AGMO: variants seen among roughly 807,000 people sequenced by gnomAD.
The protein encoded by AGMO is glyceryl-ether monooxygenase.
A neutral mutation model predicts 60.2 loss-of-function variants in AGMO; 75 were observed. The observed-to-expected ratio is 1.25, with a 90% CI of 1.03 to 1.51. The LOEUF (loss-of-function observed/expected upper bound fraction) is 1.51. Among genes scored for constraint, AGMO ranks in the 40% most tolerant of loss-of-function variants. The probability of loss-of-function intolerance (pLI) is 0.00; values close to 1 mark genes in which losing one functional copy is unlikely to be tolerated. For missense variants in AGMO, 763 were observed against 525.5 expected, an observed-to-expected ratio of 1.45 and a Z score of -4.42; for synonymous variants, 261 against 177.1, an observed-to-expected ratio of 1.47 and a Z score of -3.76.
intron 12 of AGMO, among the ~76,000 whole-genome samples, chr7:15,322,527 A>T (rs865913485): frequency 1.4e-3 from 75 of 54,890 alleles, no homozygotes; most frequent in African/African-American, 4.3e-3. Context: ...AATATATATA[A>T]ATATATAAAT....
chr7:15,258,548 CA>C (rs894896527), intron 12 of AGMO, among the ~76,000 whole-genome samples: 2 of 147,596 alleles, frequency 1.4e-5, no homozygotes, highest in Non-Finnish European at 3.0e-5. Flanking sequence ...GACTCTTTCT[CA>C]AAAAAAAATA....
the AGMO span, among the ~76,000 whole-genome samples, chr7:15,174,910 A>T: frequency 6.6e-6 from 1 of 152,014 alleles, no homozygotes; most frequent in African/African-American, 2.4e-5. Flanking sequence ...CTTGAATATA[A>T]GCCAAACTTA....
At chr7:15,332,920 T>G (rs548838572) in intron 12 of AGMO, among the ~76,000 whole-genome samples, 12 of 152,300 alleles carry the variant, frequency 7.9e-5, no homozygotes, top group African/African-American at 2.9e-4. Context: ...CATTTCATGA[T>G]GCTTCCTGGG....
intron 12 of AGMO, among the ~76,000 whole-genome samples, chr7:15,269,752 A>T (rs1783540966): frequency 6.6e-6 from 1 of 151,878 alleles, no homozygotes; most frequent in Admixed American, 6.6e-5. Context: ...TTCAACCATC[A>T]TCCCTCTCAT....
chr7:15,375,148 G>T (rs1002482892), intron 10 of AGMO, among the ~76,000 whole-genome samples: 3 of 152,034 alleles, frequency 2.0e-5, no homozygotes, highest in Non-Finnish European at 4.4e-5. Context: ...AGAGTCTGTT[G>T]TTAACATATT....
At chr7:15,371,554 C>A (rs532428107) in intron 10 of AGMO, among the ~76,000 whole-genome samples, 3 of 151,986 alleles carry the variant, frequency 2.0e-5, no homozygotes, top group Non-Finnish European at 4.4e-5. Flanking sequence ...CCTTACATAC[C>A]CGACTAATTT....
At chr7:15,274,127 C>A (rs1410174726) in intron 12 of AGMO, among the ~76,000 whole-genome samples, 1 of 152,082 alleles carries the variant, frequency 6.6e-6, no homozygotes, top group African/African-American at 2.4e-5. Flanking sequence ...CTTCTCCTGC[C>A]TGATTGCCCT....
chr7:15,519,381 G>C (rs973185913), intron 3 of AGMO, among the ~76,000 whole-genome samples: 7 of 151,902 alleles, frequency 4.6e-5, no homozygotes, highest in African/African-American at 1.7e-4. Flanking sequence ...TGAAATGAAG[G>C]AAAAAATGTT....
intron 12 of AGMO, among the ~76,000 whole-genome samples, chr7:15,346,624 A>AG (rs1363728388): frequency 6.6e-6 from 1 of 151,532 alleles, no homozygotes; most frequent in Non-Finnish European, 1.5e-5. Context: ...AAGTAAAAAA[A>AG]AAAAATACCA....
chr7:15,507,518 G>A (rs1562542259), intron 3 of AGMO, among the ~76,000 whole-genome samples: 1 of 152,078 alleles, frequency 6.6e-6, no homozygotes, highest in Non-Finnish European at 1.5e-5. Context: ...GTGGGTGGAA[G>A]AGAGACACGA....
At chr7:15,229,774 TTAG>T (rs1782203592) in intron 12 of AGMO, among the ~76,000 whole-genome samples, 1 of 148,188 alleles carries the variant, frequency 6.7e-6, no homozygotes, top group South Asian at 2.1e-4. Context: ...TATATAATTA[TTAG>T]ATCAAAGTAT....
the AGMO span, among the ~76,000 whole-genome samples, chr7:15,182,066 TAA>T: frequency 2.0e-5 from 3 of 152,176 alleles, no homozygotes; most frequent in African/African-American, 7.2e-5. Context: ...CAGTAAATCT[TAA>T]AAAATTATGC....
At chr7:15,393,684 G>C (rs1457719590) in intron 6 of AGMO, among the ~76,000 whole-genome samples, 3 of 152,304 alleles carry the variant, frequency 2.0e-5, no homozygotes, top group South Asian at 2.1e-4. Flanking sequence ...GCAGGAAGGT[G>C]AAGTGTTGTT....
At chr7:15,162,388 G>C in the AGMO span, among the ~76,000 whole-genome samples, 2 of 152,048 alleles carry the variant, frequency 1.3e-5, no homozygotes, top group African/African-American at 4.8e-5. Context: ...TTTAGGATGG[G>C]GTGATTAGAA....
intron 2 of AGMO, among the ~76,000 whole-genome samples, chr7:15,549,951 A>T (rs923191749): frequency 1.3e-5 from 2 of 150,278 alleles, no homozygotes; most frequent in Admixed American, 1.3e-4. Flanking sequence ...AAGAACAGAA[A>T]TTATAACAAA....
intron 12 of AGMO, among the ~76,000 whole-genome samples, chr7:15,351,544 G>A (rs781096694): frequency 6.6e-6 from 1 of 152,112 alleles, no homozygotes; most frequent in Non-Finnish European, 1.5e-5. Context: ...ATCTAGGAAG[G>A]ATATCATGTG....
chr7:15,317,497 G>C (rs1040044849), intron 12 of AGMO, among the ~76,000 whole-genome samples: 1 of 152,058 alleles, frequency 6.6e-6, no homozygotes, highest in African/African-American at 2.4e-5. Context: ...TTACACTCAC[G>C]TTGTTGGGTA....
the AGMO span, among the ~76,000 whole-genome samples, chr7:15,118,032 G>T: frequency 7.2e-5 from 11 of 151,926 alleles, no homozygotes; most frequent in African/African-American, 1.9e-4. Context: ...AAATACAAAA[G>T]AAATTTTCTT....
At chr7:15,249,856 G>A (rs1190980089) in intron 12 of AGMO, among the ~76,000 whole-genome samples, 1 of 152,102 alleles carries the variant, frequency 6.6e-6, no homozygotes, top group Non-Finnish European at 1.5e-5. Context: ...TAATATCATA[G>A]GTTCAATGGT....
Sources: allele counts gnomAD v4.1 joint callset (sites outside exome capture counted in the v4.1 genomes callset), GRCh38; gene constraint gnomAD v4.1.1; transcripts MANE v1.5; gene names NCBI Gene and HGNC (gene_info 2026-07-23, HGNC 2026-07-21).